The following PEX13 variants were observed in gnomAD, a reference collection of about 807,000 sequenced individuals.
PEX13 encodes peroxisome biogenesis factor 13.
A neutral mutation model predicts 34.5 loss-of-function variants in PEX13; 28 were observed. The observed-to-expected ratio is 0.81, with a 90% confidence interval of 0.60 to 1.11. The LOEUF is 1.11. PEX13 is among the 50% of genes most tolerant of loss of function. The pLI is 0.00. For synonymous variants in PEX13, 177 were observed against 175.1 expected (o/e 1.01, Z -0.09); for missense variants, 550 against 491.0 (o/e 1.12, Z -1.13).
At chr2:61,019,384 CCT>C (rs1306733452) in intron 1 of PEX13, among the ~76,000 whole-genome samples, 1 of 151,762 alleles carries the variant, frequency 6.6e-6, no homozygotes, top group Non-Finnish European at 1.5e-5. Flanking sequence ...TGTGGCTTCT[CCT>C]CTTTATATTT....
intron 1 of PEX13, chr2:61,018,074 G>T: frequency 6.7e-7 from 1 of 1,501,546 alleles, no homozygotes; most frequent in South Asian, 1.3e-5. Flanking sequence ...CGTTTTTTTC[G>T]GGAGCTCCTG....
chr2:61,018,135 C>T (rs1680138645), intron 1 of PEX13: 2 of 1,549,678 alleles, frequency 1.3e-6, no homozygotes, highest in South Asian at 1.2e-5. Flanking sequence ...GGCTTCCTAC[C>T]TACCGCTTCT....
intron 2 of PEX13, among the ~76,000 whole-genome samples, chr2:61,036,812 C>T (rs766733613): frequency 2.6e-5 from 4 of 152,180 alleles, no homozygotes; most frequent in Middle Eastern, 3.4e-3. Context: ...GCTAAATGCC[C>T]CAATTAAAAG....
intron 1 of PEX13, among the ~76,000 whole-genome samples, chr2:61,025,715 T>C (rs908502495): frequency 6.6e-6 from 1 of 152,146 alleles, no homozygotes; most frequent in South Asian, 2.1e-4. Context: ...TTTAATGTGA[T>C]TTGAGGCCTA....
At chr2:61,035,876 G>A (rs1326119935) in intron 2 of PEX13, among the ~76,000 whole-genome samples, 1 of 151,940 alleles carries the variant, frequency 6.6e-6, no homozygotes, top group African/African-American at 2.4e-5. Context: ...CCAGCTACTA[G>A]GGAGGCTGAG....
intron 2 of PEX13, among the ~76,000 whole-genome samples, chr2:61,037,158 C>T (rs112577263): frequency 0.011 from 1,688 of 152,246 alleles, 30 homozygotes; most frequent in African/African-American, 0.038. Flanking sequence ...GACTTAGACT[C>T]GCACACAATC....
At chr2:61,028,977 A>G (rs1401505097) in intron 1 of PEX13, among the ~76,000 whole-genome samples, 1 of 152,106 alleles carries the variant, frequency 6.6e-6, no homozygotes, top group African/African-American at 2.4e-5. Flanking sequence ...GAACCCAGGT[A>G]TTTGAGACCA....
chr2:61,036,723 G>A (rs1392791253), intron 2 of PEX13, among the ~76,000 whole-genome samples: 2 of 152,014 alleles, frequency 1.3e-5, no homozygotes, highest in African/African-American at 2.4e-5. Context: ...TCAATTAACG[G>A]GCAAAATAAC....
intron 1 of PEX13, among the ~76,000 whole-genome samples, chr2:61,030,815 A>G (rs947220435): frequency 3.9e-5 from 6 of 152,210 alleles, no homozygotes; most frequent in Admixed American, 3.3e-4. Flanking sequence ...CAGAATAGAC[A>G]AACCGAGGGA....
Position 61,050,918 on chromosome 2 carries a change from G to C in PEX13, c.*2148G>C, listed in dbSNP as rs1680787876. On this transcript the variant is annotated 3_prime_UTR_variant, in exon 4 of 4. Transcript: ENST00000295030. ...TTACAGGCGTGAGCCACCGCACCCAGCGATTTAGTATTTTTTTCTAATAGA... is the reference window on the plus strand; with the variant it reads ...TTACAGGCGTGAGCCACCGCACCCACCGATTTAGTATTTTTTTCTAATAGA... The C allele has an allele frequency of 6.6e-6, 1 of 152,354 alleles. No individual in the cohort carries two copies. Among genetic ancestry groups the C allele is most frequent in the African/African-American group, 2.4e-5 (1 of 41,450 alleles). 9.4% of individuals were successfully genotyped at this position (152,354 alleles called of 1,614,324 possible). A position where few individuals can be genotyped will look rare whatever the true frequency, so the allele number is the denominator to read the frequency against.
chr2:61,036,151 T>C (rs982499438), intron 2 of PEX13, among the ~76,000 whole-genome samples: 4 of 151,692 alleles, frequency 2.6e-5, no homozygotes, highest in Non-Finnish European at 4.4e-5. Context: ...CAAATCTACG[T>C]TTGATTGATG....
intron 2 of PEX13, among the ~76,000 whole-genome samples, chr2:61,033,118 G>T (rs1429830530): frequency 6.6e-6 from 1 of 152,180 alleles, no homozygotes; most frequent in Non-Finnish European, 1.5e-5. Context: ...TAAATCAGTA[G>T]AAGTCAGCAC....
At chr2:61,034,524 C>G (rs989246212) in intron 2 of PEX13, among the ~76,000 whole-genome samples, 2 of 152,092 alleles carry the variant, frequency 1.3e-5, no homozygotes, top group African/African-American at 4.8e-5. Context: ...CCAGGAAGCA[C>G]AAGGGGTCAG....
intron 1 of PEX13, among the ~76,000 whole-genome samples, chr2:61,028,214 G>C (rs1181938676): frequency 6.6e-6 from 1 of 152,130 alleles, no homozygotes; most frequent in African/African-American, 2.4e-5. Flanking sequence ...GCCTCCTAAA[G>C]TAATACTGTG....
chr2:61,040,876 GTATATA>G, intron 2 of PEX13, among the ~76,000 whole-genome samples: 1 of 147,062 alleles, frequency 6.8e-6, no homozygotes, highest in Non-Finnish European at 1.5e-5. Flanking sequence ...TATAAAAAAG[GTATATA>G]TATATACACC....
intron 1 of PEX13, among the ~76,000 whole-genome samples, chr2:61,020,017 A>G (rs1465939866): frequency 6.6e-6 from 1 of 152,134 alleles, no homozygotes; most frequent in Non-Finnish European, 1.5e-5. Flanking sequence ...AGGTCAGGAG[A>G]TCGAGACCAT....
chr2:61,026,425 A>G (rs1306074991), intron 1 of PEX13, among the ~76,000 whole-genome samples: 1 of 145,926 alleles, frequency 6.9e-6, no homozygotes. Flanking sequence ...GCTCACCTCA[A>G]CCTCTGTCCG....
At chr2:61,022,390 C>T (rs913639101) in intron 1 of PEX13, among the ~76,000 whole-genome samples, 1 of 152,152 alleles carries the variant, frequency 6.6e-6, no homozygotes, top group Non-Finnish European at 1.5e-5. Context: ...CACGCACAAG[C>T]TTCAATAGCT....
chr2:61,040,487 C>T (rs189157332), intron 2 of PEX13, among the ~76,000 whole-genome samples: 48 of 152,104 alleles, frequency 3.2e-4, no homozygotes, highest in African/African-American at 1.1e-3. Flanking sequence ...ATCATAAGGA[C>T]AGAAAACCAA....
Sources: gnomAD v4.1 joint callset for allele counts (sites outside exome capture counted in the v4.1 genomes callset) on GRCh38, gnomAD v4.1.1 for gene constraint, MANE v1.5 for transcripts, NCBI Gene and HGNC (gene_info 2026-07-23, HGNC 2026-07-21) for gene names.